The following PKHD1L1 variants were observed in gnomAD, a reference collection of about 807,000 sequenced individuals.
PKHD1L1 encodes the protein fibrocystin-L.
A neutral mutation model predicts 462.9 loss-of-function variants in PKHD1L1; 434 were observed. The ratio of observed to expected loss-of-function variants is 0.94; its 90% CI spans 0.87 to 1.02. The LOEUF is 1.02. PKHD1L1 is among the 50% of genes least tolerant of loss of function. The probability of loss-of-function intolerance (pLI) is 0.00; values close to 1 mark genes in which losing one functional copy is unlikely to be tolerated. For synonymous variants in PKHD1L1, 1,781 were observed against 1,750.0 expected (o/e 1.02, Z -0.44); for missense variants, 5,202 against 5,096.1 (o/e 1.02, Z -0.63).
At chr8:109,479,845 T>C in intron 54 of PKHD1L1, 146 bp from the exon 55 acceptor site, 1 of 937,108 alleles carries the variant, frequency 1.1e-6, no homozygotes, top group Non-Finnish European at 1.5e-6. Context: ...AAGAGCAGAT[T>C]TTCTGGGAGA....
At chr8:109,454,062 T>C (rs552559236) in intron 43 of PKHD1L1, 105 bp from the exon 44 acceptor site, 3 of 621,644 alleles carry the variant, frequency 4.8e-6, no homozygotes, top group Non-Finnish European at 8.0e-6. Flanking sequence ...AATTTTAATT[T>C]AATGTATAAT....
intron 50 of PKHD1L1, among the ~76,000 whole-genome samples, chr8:109,469,886 A>G (rs1200752171): frequency 6.6e-6 from 1 of 152,190 alleles, no homozygotes; most frequent in African/African-American, 2.4e-5. Context: ...AACAAAAGTA[A>G]CCAAAACATC....
intron 38 of PKHD1L1, among the ~76,000 whole-genome samples, chr8:109,447,450 A>G (rs1488248316): frequency 6.6e-6 from 1 of 152,206 alleles, no homozygotes; most frequent in African/African-American, 2.4e-5. Flanking sequence ...AAATTTAGGT[A>G]TGTGGATATT....
chr8:109,436,029 G>A (rs1296582117), intron 29 of PKHD1L1, among the ~76,000 whole-genome samples: 2 of 152,164 alleles, frequency 1.3e-5, no homozygotes, highest in Non-Finnish European at 2.9e-5. Context: ...ATTATTCGTA[G>A]GATGAAGGCA....
intron 3 of PKHD1L1, 130 bp from the exon 4 acceptor site, chr8:109,382,333 G>T: frequency 1.6e-6 from 1 of 610,852 alleles, no homozygotes; most frequent in South Asian, 3.2e-5. Context: ...AACTTAACTA[G>T]ACATCAGTTA....
intron 55 of PKHD1L1, among the ~76,000 whole-genome samples, chr8:109,480,887 G>GGGTAACCATGGGTAAGTTA (rs1818240823): frequency 6.6e-6 from 1 of 151,740 alleles, no homozygotes; most frequent in African/African-American, 2.4e-5. Flanking sequence ...TTTTTTAGTT[G>GGGTAACCATGGGTAAGTTA]GGTAACCATG....
chr8:109,527,204 G>T (rs1820862038), intron 77 of PKHD1L1, among the ~76,000 whole-genome samples, 184 bp downstream of exon 77: 1 of 152,130 alleles, frequency 6.6e-6, no homozygotes, highest in African/African-American at 2.4e-5. Context: ...TGGTCTATAA[G>T]AATGTGGTGA....
chr8:109,529,679 TC>T (rs1255685930), intron 77 of PKHD1L1, among the ~76,000 whole-genome samples: 1 of 152,110 alleles, frequency 6.6e-6, no homozygotes, highest in Non-Finnish European at 1.5e-5. Context: ...AATGGCTTCT[TC>T]TTTGCTACTA....
intron 70 of PKHD1L1, among the ~76,000 whole-genome samples, chr8:109,509,126 AC>A (rs1819846886): frequency 6.6e-6 from 1 of 152,090 alleles, no homozygotes; most frequent in South Asian, 2.1e-4. Flanking sequence ...AACAGAATGA[AC>A]TAAATCAGGA....
chr8:109,444,861 G>A lies in PKHD1L1; in HGVS notation c.4992G>A (p.Val1664=). 2 of 1,614,002 alleles carry A rather than the reference G, an allele frequency of 1.2e-6. No individual in the cohort carries two copies. Among genetic ancestry groups the A allele is most frequent in the Non-Finnish European group, 1.7e-6 (2 of 1,179,890 alleles). Residue 1664 remains valine (V), a synonymous_variant, in exon 38 of 78, where the codon GTG becomes GTA. Coordinates refer to ENST00000378402, the MANE Select transcript of PKHD1L1 (RefSeq NM_177531.6). ...TACTTTTGCCAAACATTGACCTGGT[G>A]TTGCCAAATGCAGGATCAACTACAG... ...RFVLLPNIDL[V]LPNAGSTTGM...
chr8:109,483,344 G>A (rs1422283326), intron 57 of PKHD1L1, among the ~76,000 whole-genome samples: 1 of 150,174 alleles, frequency 6.7e-6, no homozygotes, highest in African/African-American at 2.4e-5. Context: ...ACATAGGTAT[G>A]TATATTGTAT....
chr8:109,412,606 A>G (rs996713534), intron 20 of PKHD1L1, among the ~76,000 whole-genome samples, 192 bp downstream of exon 20: 1 of 151,962 alleles, frequency 6.6e-6, no homozygotes, highest in Non-Finnish European at 1.5e-5. Flanking sequence ...GATATATTCT[A>G]TATATATATG....
chr8:109,495,151 A>C (rs1819024731), intron 63 of PKHD1L1, among the ~76,000 whole-genome samples: 1 of 152,022 alleles, frequency 6.6e-6, no homozygotes, highest in African/African-American at 2.4e-5. Context: ...TCTTGTGCAA[A>C]ATACATTCTG....
rs778648699 is a variant in PKHD1L1 at position 109,443,729 on chromosome 8, G to C, written c.4618G>C (p.Glu1540Gln). 4.3e-6 allele frequency: 7 copies of C among 1,613,678 alleles called. No individual in the cohort carries two copies. The South Asian group carries it at 6.6e-5, about 15-fold the overall frequency. ...GSSVAGCLAT[E>Q]PLCSLNNTRV... Reference sequence around the variant, plus strand: ...CTCTGTGGCAGGCTGCCTAGCAACAGAACCCCTGTGCAGCCTGAACAATAC... The same window carrying C: ...CTCTGTGGCAGGCTGCCTAGCAACACAACCCCTGTGCAGCCTGAACAATAC... The change falls in exon 37 of 78, where the codon GAA (glutamate) becomes CAA (glutamine). Residue 1540 changes from glutamate to glutamine, a missense_variant. By Grantham distance (29) the Glu-to-Gln change is conservative (BLOSUM62 2). Around this residue, in one of 3 missense-constraint regions of PKHD1L1, gnomAD observed 4,497 missense variants for 4,336.8 expected, o/e 1.04. Transcript: ENST00000378402.
intron 48 of PKHD1L1, 97 bp downstream of exon 48, chr8:109,462,005 A>G: frequency 8.0e-6 from 11 of 1,378,696 alleles, no homozygotes; most frequent in Non-Finnish European, 1.1e-5. Flanking sequence ...GCTACTTATA[A>G]TCTGGTAGGG....
intron 67 of PKHD1L1, among the ~76,000 whole-genome samples, chr8:109,503,693 T>C (rs937616801): frequency 1.3e-5 from 2 of 152,218 alleles, no homozygotes; most frequent in Admixed American, 6.5e-5. Flanking sequence ...GGTTCATTTA[T>C]CTTAGCTGGA....
Position 109,492,274 on chromosome 8 carries a change from G to A in PKHD1L1, c.10236+280G>A, listed in dbSNP as rs550748475. Reference sequence around the variant, plus strand: ...GTATTGCTACTTAATTCTGGATTTAGTTTCCTCCCTAAAAATGAAAATAGA... The same window carrying A: ...GTATTGCTACTTAATTCTGGATTTAATTTCCTCCCTAAAAATGAAAATAGA... On this transcript the variant is annotated intron_variant, in intron 62 of 77. Transcript: ENST00000378402. 1.6e-4 allele frequency among the ~76,000 whole-genome samples: 25 copies of A among 151,648 alleles called. 1 individual carries two copies. Among genetic ancestry groups the A allele is most frequent in the Admixed American group, 1.4e-3 (22 of 15,184 alleles).
At chr8:109,409,488 T>C (rs76434401) in intron 18 of PKHD1L1, among the ~76,000 whole-genome samples, 1 of 152,162 alleles carries the variant, frequency 6.6e-6, no homozygotes, top group Non-Finnish European at 1.5e-5. Context: ...GTTTTTTTTT[T>C]CCAGTTAATT....
intron 77 of PKHD1L1, among the ~76,000 whole-genome samples, chr8:109,527,998 A>C (rs1415341236): frequency 6.6e-6 from 1 of 152,224 alleles, no homozygotes; most frequent in Non-Finnish European, 1.5e-5. Context: ...AGAATGGCAG[A>C]GGTGTAGTTT....
Sources: allele counts gnomAD v4.1 joint callset (sites outside exome capture counted in the v4.1 genomes callset), GRCh38; gene constraint gnomAD v4.1.1; regional missense constraint gnomAD v4.1.1; transcripts MANE v1.5; gene names NCBI Gene and HGNC (gene_info 2026-07-23, HGNC 2026-07-21).